The following FAM107B variants were observed in gnomAD, a reference collection of about 807,000 sequenced individuals.
The protein encoded by FAM107B is protein FAM107B.
FAM107B carries 21 observed loss-of-function variants against 31.5 expected under a neutral mutation model. The observed-to-expected ratio is 0.67, with a 90% CI of 0.47 to 0.96. The LOEUF (loss-of-function observed/expected upper bound fraction) is 0.96, where lower values mean the gene tolerates loss of function less well. FAM107B is among the 40% of genes least tolerant of loss of function. The pLI is 0.00. For missense variants in FAM107B, 452 were observed against 377.1 expected (o/e 1.20, Z -1.64); for synonymous variants, 157 against 141.5 (o/e 1.11, Z -0.78).
intron 3 of FAM107B, chr10:14,530,088 C>T (rs1009880641): frequency 2.4e-6 from 1 of 412,314 alleles, no homozygotes; most frequent in African/African-American, 2.0e-5. Context: ...ACATCCATTT[C>T]AGAAGGGAAC....
chr10:14,548,201 G>T (rs1443399250), intron 2 of FAM107B, among the ~76,000 whole-genome samples: 1 of 152,170 alleles, frequency 6.6e-6, no homozygotes, highest in Non-Finnish European at 1.5e-5. Flanking sequence ...CCTGAAGATC[G>T]AGAGGGGAGC....
At chr10:14,773,935 GT>G (rs1452702842) in intron 1 of FAM107B, among the ~76,000 whole-genome samples, 1 of 152,150 alleles carries the variant, frequency 6.6e-6, no homozygotes, top group Non-Finnish European at 1.5e-5. Context: ...GGAAAAAAAT[GT>G]TTTTGTAAAC....
intron 2 of FAM107B, among the ~76,000 whole-genome samples, chr10:14,666,208 G>C (rs1334199806): frequency 6.6e-6 from 1 of 152,192 alleles, no homozygotes; most frequent in East Asian, 1.9e-4. Context: ...CTGCTATACA[G>C]AACTGCAAGA....
intron 2 of FAM107B, among the ~76,000 whole-genome samples, chr10:14,650,399 C>G (rs891045474): frequency 6.6e-6 from 1 of 152,056 alleles, no homozygotes; most frequent in South Asian, 2.1e-4. Flanking sequence ...AATTCTCCCA[C>G]CTCAGCTTCC....
At chr10:14,683,874 G>A (rs7088429) in intron 1 of FAM107B, among the ~76,000 whole-genome samples, 4,474 of 152,174 alleles carry the variant, frequency 0.029, 178 homozygotes, top group African/African-American at 0.09. Context: ...CATGTCCCCC[G>A]GCCTTAAGCT....
At chr10:14,673,044 T>C (rs749211011) in intron 1 of FAM107B, among the ~76,000 whole-genome samples, 3 of 152,248 alleles carry the variant, frequency 2.0e-5, no homozygotes, top group Non-Finnish European at 4.4e-5. Flanking sequence ...TGTGTACATG[T>C]GATATTTCAA....
chr10:14,753,502 C>T (rs1220796785), intron 1 of FAM107B, among the ~76,000 whole-genome samples: 3 of 152,198 alleles, frequency 2.0e-5, no homozygotes, highest in Non-Finnish European at 4.4e-5. Flanking sequence ...GGAAGAACTT[C>T]TAGATTTTAC....
At chr10:14,608,673 T>C (rs1247732929) in intron 2 of FAM107B, among the ~76,000 whole-genome samples, 3 of 152,136 alleles carry the variant, frequency 2.0e-5, no homozygotes, top group Non-Finnish European at 4.4e-5. Context: ...AAAGAGGAAG[T>C]GGTAAGGCCC....
At chr10:14,689,736 G>A (rs1451449756) in intron 1 of FAM107B, among the ~76,000 whole-genome samples, 3 of 152,162 alleles carry the variant, frequency 2.0e-5, no homozygotes, top group African/African-American at 7.2e-5. Flanking sequence ...TGAGGCAGGA[G>A]GATCATGTAA....
At chr10:14,723,463 A>G in intron 1 of FAM107B, 1 of 565,256 alleles carries the variant, frequency 1.8e-6, no homozygotes. Flanking sequence ...GAGATCAGGC[A>G]TGACCTGTCA....
At chr10:14,692,725 G>A (rs1023799982) in intron 1 of FAM107B, among the ~76,000 whole-genome samples, 1 of 152,184 alleles carries the variant, frequency 6.6e-6, no homozygotes, top group African/African-American at 2.4e-5. Flanking sequence ...GATCAACAAA[G>A]AAAGGTGGGT....
intron 1 of FAM107B, among the ~76,000 whole-genome samples, chr10:14,709,462 A>T (rs1039540437): frequency 4.6e-5 from 7 of 152,080 alleles, no homozygotes; most frequent in Admixed American, 3.3e-4. Context: ...GAGCTTATGT[A>T]GGGAAACTCC....
chr10:14,593,949 T>C (rs906851365), intron 2 of FAM107B, among the ~76,000 whole-genome samples: 1 of 152,198 alleles, frequency 6.6e-6, no homozygotes, highest in Non-Finnish European at 1.5e-5. Context: ...TAGATAAACA[T>C]GTTGAAAAAT....
chr10:14,560,203 A>AT (rs1045088000), intron 2 of FAM107B, among the ~76,000 whole-genome samples: 50 of 148,324 alleles, frequency 3.4e-4, no homozygotes, highest in South Asian at 8.6e-4. Flanking sequence ...TGGGTGGCTT[A>AT]TTTTTTTTTT....
chr10:14,681,132 G>A (rs957756742), intron 1 of FAM107B, among the ~76,000 whole-genome samples: 3 of 152,156 alleles, frequency 2.0e-5, no homozygotes, highest in Admixed American at 1.3e-4. Context: ...AGTGGTTCAC[G>A]TGCTTGCAAA....
chr10:14,592,559 T>C (rs987057502), intron 2 of FAM107B, among the ~76,000 whole-genome samples: 1 of 152,216 alleles, frequency 6.6e-6, no homozygotes, highest in Non-Finnish European at 1.5e-5. Context: ...TTTTGTAGTT[T>C]GGCTTTGTTT....
At chr10:14,656,518 A>G (rs1187898350) in intron 2 of FAM107B, among the ~76,000 whole-genome samples, 1 of 152,198 alleles carries the variant, frequency 6.6e-6, no homozygotes, top group Non-Finnish European at 1.5e-5. Context: ...AAGTGACTGG[A>G]CATTCGGGTT....
chr10:14,718,282 G>A (rs560703643), intron 1 of FAM107B, among the ~76,000 whole-genome samples: 2 of 152,074 alleles, frequency 1.3e-5, no homozygotes, highest in African/African-American at 4.8e-5. Context: ...AGCCAAGATT[G>A]CACCACTGCA....
intron 1 of FAM107B, among the ~76,000 whole-genome samples, chr10:14,737,234 G>C (rs1588743389): frequency 6.6e-6 from 1 of 152,116 alleles, no homozygotes; most frequent in Non-Finnish European, 1.5e-5. Flanking sequence ...TACAGAGGGG[G>C]AGTTGGGATG....
Sources: gnomAD v4.1 joint callset for allele counts (sites outside exome capture counted in the v4.1 genomes callset) on GRCh38, gnomAD v4.1.1 for gene constraint, MANE v1.5 for transcripts, NCBI Gene and HGNC (gene_info 2026-07-23, HGNC 2026-07-21) for gene names.